TMEM182: variants seen among roughly 807,000 people sequenced by gnomAD.
TMEM182 encodes transmembrane protein 182.
A neutral mutation model predicts 26.8 loss-of-function variants in TMEM182; 20 were observed. The observed-to-expected ratio is 0.75, with a 90% CI of 0.53 to 1.09. The LOEUF (loss-of-function observed/expected upper bound fraction) is 1.09, where lower values mean the gene tolerates loss of function less well. Ranked by LOEUF, TMEM182 falls within the 50% of genes least tolerant of loss-of-function variation. The pLI, the probability that TMEM182 is intolerant of heterozygous loss-of-function variation, is 0.00. For synonymous variants in TMEM182, 109 were observed against 102.2 expected, an observed-to-expected ratio of 1.07 and a Z score of -0.40; for missense variants, 277 against 275.5, an observed-to-expected ratio of 1.01 and a Z score of -0.04.
Position 102,816,811 on chromosome 2 carries a change from T to G in TMEM182, c.*1843T>G, listed in dbSNP as rs1249117300. ...ATGTCATCTGTAAATACAATTCTTT[T>G]TTGTAGTACTTTGGAATGGAGCCTT... On this transcript the variant is annotated 3_prime_UTR_variant, in exon 5 of 5. Coordinates refer to ENST00000412401, the MANE Select transcript of TMEM182 (RefSeq NM_144632.5). 2.0e-6 allele frequency: 2 copies of G among 985,842 alleles called. No homozygotes were observed. Among genetic ancestry groups the G allele is most frequent in the East Asian group, 1.1e-4 (1 of 8,818 alleles). The allele number at this position is 985,842 out of a possible 1,614,324, so 61.1% of individuals were successfully genotyped here. A position where few individuals can be genotyped will look rare whatever the true frequency, so the allele number is the denominator to read the frequency against.
Position 102,791,925 on chromosome 2 carries a change from T to G in TMEM182, c.332-5938T>G, listed in dbSNP as rs1681659038. Among the ~76,000 whole-genome samples, 2 of 151,978 alleles carry G rather than the reference T, an allele frequency of 1.3e-5. 1 individual carries two copies. Among genetic ancestry groups the G allele is most frequent in the Admixed American group, 1.3e-4 (2 of 15,240 alleles). Reference sequence around the variant, plus strand: ...TTTTCTCTGAGATACAGTCAAGATCTAAGAGATTGAAACAATATAAATCAC... The same window carrying G: ...TTTTCTCTGAGATACAGTCAAGATCGAAGAGATTGAAACAATATAAATCAC... On this transcript the variant is annotated intron_variant, in intron 3 of 4. Coordinates refer to ENST00000412401, the MANE Select transcript of TMEM182 (RefSeq NM_144632.5).
downstream of TMEM182, among the ~76,000 whole-genome samples, chr2:102,821,468 A>G (rs540876173): frequency 6.6e-6 from 1 of 152,236 alleles, no homozygotes; most frequent in East Asian, 1.9e-4. Flanking sequence ...CAGCCATGTG[A>G]CATGCCTGCT....
At chr2:102,745,663 C>T (rs947142496) in intron 1 of TMEM182, among the ~76,000 whole-genome samples, 5 of 152,132 alleles carry the variant, frequency 3.3e-5, no homozygotes, top group Non-Finnish European at 5.9e-5. Flanking sequence ...CAGCCCTAGA[C>T]AACAGCTAAT....
intron 4 of TMEM182, among the ~76,000 whole-genome samples, chr2:102,804,181 G>T (rs1446772321): frequency 1.3e-5 from 2 of 151,264 alleles, no homozygotes; most frequent in Non-Finnish European, 2.9e-5. Context: ...TTTTCCATAG[G>T]TTATTGGGGT....
intron 4 of TMEM182, among the ~76,000 whole-genome samples, chr2:102,808,139 G>T (rs1682416764): frequency 6.6e-6 from 1 of 152,056 alleles, no homozygotes. Context: ...TTTCTCCTTG[G>T]TTGTAATTTT....
At chr2:102,836,336 T>C (rs1223868981) in intron 3 of TMEM182, among the ~76,000 whole-genome samples, 1 of 152,212 alleles carries the variant, frequency 6.6e-6, no homozygotes, top group African/African-American at 2.4e-5. Flanking sequence ...AGCTGCACAA[T>C]GTTGCATTCC....
chr2:102,826,664 C>T (rs970565181), intron 3 of TMEM182, among the ~76,000 whole-genome samples: 3 of 152,130 alleles, frequency 2.0e-5, no homozygotes, highest in African/African-American at 7.2e-5. Context: ...ATTCCGAAGT[C>T]ACTGGATACA....
chr2:102,808,536 A>T (rs1682430985), intron 4 of TMEM182, among the ~76,000 whole-genome samples: 1 of 152,176 alleles, frequency 6.6e-6, no homozygotes, highest in Admixed American at 6.5e-5. Context: ...ATTGTGCTCC[A>T]TACAAAAATT....
chr2:102,746,749 C>T (rs1274956990), intron 1 of TMEM182, among the ~76,000 whole-genome samples: 4 of 152,000 alleles, frequency 2.6e-5, no homozygotes, highest in Non-Finnish European at 5.9e-5. Flanking sequence ...CCACCACACC[C>T]GGCTAATTTT....
chr2:102,777,577 G>A (rs184358628), intron 3 of TMEM182, among the ~76,000 whole-genome samples: 69 of 151,964 alleles, frequency 4.5e-4, no homozygotes, highest in African/African-American at 1.5e-3. Context: ...GTCAGTCTTC[G>A]TTTTTCTACT....
intron 3 of TMEM182, among the ~76,000 whole-genome samples, chr2:102,833,674 G>C (rs530225134): frequency 1.6e-4 from 25 of 152,250 alleles, no homozygotes; most frequent in African/African-American, 6.0e-4. Context: ...ATCCCACCAT[G>C]CATTTAGTTG....
rs1041427376 is a variant in TMEM182, at chr2:102,754,980, C to T, written c.-82-3409C>T. On this transcript the variant is annotated intron_variant, in intron 1 of 5. Coordinates refer to the TMEM182 transcript ENST00000409173. ...TTGTGAAAACCAGGGTAGAATTTAC[C>T]GTAATGGAATGTTATTGATCTTAGT... Among the ~76,000 whole-genome samples, 35 of 152,258 alleles carry T rather than the reference C, an allele frequency of 2.3e-4. No homozygotes were observed. The Middle Eastern group carries it at 0.01, about 44-fold the overall frequency.
chr2:102,776,028 A>G (rs149946239), intron 3 of TMEM182, among the ~76,000 whole-genome samples: 1,896 of 152,304 alleles, frequency 0.012, 21 homozygotes, highest in Non-Finnish European at 0.02. Flanking sequence ...TTTTTTAAAA[A>G]AAGAATAAGA....
intron 3 of TMEM182, chr2:102,775,270 A>G (rs1341384820): frequency 6.6e-6 from 1 of 152,248 alleles, no homozygotes; most frequent in East Asian, 1.9e-4. Context: ...GCATATAAAC[A>G]GAACCAAAGA....
intron 3 of TMEM182, among the ~76,000 whole-genome samples, chr2:102,786,258 A>G (rs1573533005): frequency 8.4e-6 from 1 of 119,104 alleles, no homozygotes; most frequent in African/African-American, 3.3e-5. Context: ...TCTGTCGCCC[A>G]GGCGGGAATG....
At chr2:102,759,304 C>G (rs1478351571), upstream of TMEM182, among the ~76,000 whole-genome samples, 1 of 152,204 alleles carries the variant, frequency 6.6e-6, no homozygotes, top group Non-Finnish European at 1.5e-5. Flanking sequence ...ACAACCACAA[C>G]TGTACAACCA....
intron 1 of TMEM182, among the ~76,000 whole-genome samples, chr2:102,748,770 A>G (rs1004853478): frequency 2.0e-5 from 3 of 152,188 alleles, no homozygotes; most frequent in Non-Finnish European, 4.4e-5. Flanking sequence ...AATTAAGCTG[A>G]TAACATAAAA....
At chr2:102,761,506 A>G (rs953126373), upstream of TMEM182, among the ~76,000 whole-genome samples, 3 of 152,188 alleles carry the variant, frequency 2.0e-5, no homozygotes, top group South Asian at 2.1e-4. Flanking sequence ...ACTTTCAACA[A>G]TTATGTTACC....
At chr2:102,778,362 C>T (rs1231947060) in intron 3 of TMEM182, among the ~76,000 whole-genome samples, 1 of 151,850 alleles carries the variant, frequency 6.6e-6, no homozygotes, top group Non-Finnish European at 1.5e-5. Context: ...AACACTTTTT[C>T]ATTCTTTACC....
Sources: gnomAD v4.1 joint callset for allele counts (sites outside exome capture counted in the v4.1 genomes callset) on GRCh38, gnomAD v4.1.1 for gene constraint, MANE v1.5 for transcripts, NCBI Gene and HGNC (gene_info 2026-07-23, HGNC 2026-07-21) for gene names.